LTBP1: variants seen among roughly 807,000 people sequenced by gnomAD.
LTBP1 encodes latent transforming growth factor beta binding protein 1, also known as latent-transforming growth factor beta-binding protein 1.
LTBP1 carries 129 observed loss-of-function variants against 207.6 expected under a neutral mutation model. The ratio of observed to expected loss-of-function variants is 0.62; its 90% CI spans 0.54 to 0.72. The LOEUF is 0.72. Among genes scored for constraint, LTBP1 ranks in the 30% least tolerant of loss-of-function variants. LTBP1 has a pLI of 0.00. For missense variants in LTBP1, 2,281 were observed against 2,217.2 expected (o/e 1.03, Z -0.58); for synonymous variants, 963 against 833.7 (o/e 1.16, Z -2.67).
chr2:33,294,452 C>T (rs1001049614), intron 20 of LTBP1, among the ~76,000 whole-genome samples: 1 of 152,032 alleles, frequency 6.6e-6, no homozygotes, highest in Non-Finnish European at 1.5e-5. Context: ...CCACCTAGGC[C>T]TCCCAAATTG....
intron 21 of LTBP1, among the ~76,000 whole-genome samples, chr2:33,301,176 CA>C (rs1435003289): frequency 1.3e-5 from 2 of 152,170 alleles, no homozygotes; most frequent in Non-Finnish European, 2.9e-5. Flanking sequence ...CTTCACTTCC[CA>C]ATAAGTATGT....
chr2:33,198,767 C>T (rs771547880), intron 7 of LTBP1, among the ~76,000 whole-genome samples: 2,113 of 152,052 alleles, frequency 0.014, 26 homozygotes, highest in South Asian at 0.028. Context: ...TTTTTTATTG[C>T]GTCTATTTGA....
At chr2:33,095,845 A>G (rs1351280166) in intron 3 of LTBP1, among the ~76,000 whole-genome samples, 1 of 152,146 alleles carries the variant, frequency 6.6e-6, no homozygotes, top group Non-Finnish European at 1.5e-5. Flanking sequence ...AAAGAGAAAA[A>G]TTATTAAAGA....
At chr2:33,341,729 A>AAAAAAATATATATAT (rs745445793) in intron 24 of LTBP1, among the ~76,000 whole-genome samples, 29 of 93,608 alleles carry the variant, frequency 3.1e-4, no homozygotes, top group South Asian at 7.8e-4. Flanking sequence ...AAAAAAAAAA[A>AAAAAAATATATATAT]ATATATATAT....
intron 30 of LTBP1, among the ~76,000 whole-genome samples, chr2:33,364,831 A>G (rs985854914): frequency 6.6e-6 from 1 of 152,250 alleles, no homozygotes; most frequent in African/African-American, 2.4e-5. Context: ...GATAATTGGC[A>G]TAATCTGTCA....
chr2:33,034,180 A>T (rs1389121758), intron 3 of LTBP1, among the ~76,000 whole-genome samples: 1 of 152,028 alleles, frequency 6.6e-6, no homozygotes, highest in East Asian at 1.9e-4. Context: ...TGGATACGCA[A>T]ATCTACAGAG....
chr2:33,217,513 A>C lies in LTBP1; in HGVS notation c.1702-39A>C, dbSNP rs776156492. 6.4e-6 allele frequency: 9 copies of C among 1,417,248 alleles called. No homozygotes were observed. The South Asian group carries it at 9.3e-5, about 15-fold the overall frequency. 87.8% of individuals were successfully genotyped at this position (1,417,248 alleles called of 1,614,324 possible). A position where few individuals can be genotyped will look rare whatever the true frequency, so the allele number is the denominator to read the frequency against. On this transcript the variant is annotated intron_variant, in intron 7 of 33. Transcript: ENST00000404816. ...AGTGCTCTGGGGCTGGGCATCCTGC[A>C]CTCAATTAACCTTCATATTTCACAC...
chr2:33,236,056 A>T (rs1048349779), intron 9 of LTBP1, among the ~76,000 whole-genome samples: 1 of 152,220 alleles, frequency 6.6e-6, no homozygotes, highest in African/African-American at 2.4e-5. Flanking sequence ...TATAATTTTT[A>T]AAAAAGATGA....
At chr2:33,397,106 A>G (rs2095365584) in intron 32 of LTBP1, 27 bp from the exon 33 acceptor site, 1 of 1,607,132 alleles carries the variant, frequency 6.2e-7, no homozygotes, top group South Asian at 1.1e-5. Flanking sequence ...AGAAGCTCTA[A>G]CTTAGCTTCT....
intron 12 of LTBP1, among the ~76,000 whole-genome samples, chr2:33,259,028 G>A (rs912844336): frequency 2.0e-5 from 3 of 152,076 alleles, no homozygotes; most frequent in Non-Finnish European, 4.4e-5. Flanking sequence ...GCTCTTCCTG[G>A]CTTGTGAGAT....
At chr2:33,385,738 G>T (rs570721424) in intron 31 of LTBP1, among the ~76,000 whole-genome samples, 2 of 152,314 alleles carry the variant, frequency 1.3e-5, no homozygotes, top group Admixed American at 1.3e-4. Context: ...TGCATGATGG[G>T]AAGGGCGGCG....
chr2:33,222,275 C>T (rs1326782606), intron 9 of LTBP1, 124 bp downstream of exon 9: 1 of 685,942 alleles, frequency 1.5e-6, no homozygotes, highest in Admixed American at 2.1e-5. Flanking sequence ...CATGTTCACT[C>T]CTTTTGGCTA....
chr2:33,293,525 T>C (rs2093815636), intron 20 of LTBP1, among the ~76,000 whole-genome samples: 1 of 152,160 alleles, frequency 6.6e-6, no homozygotes, highest in African/African-American at 2.4e-5. Context: ...GATCGGTTCA[T>C]CTAAATTTTT....
chr2:33,104,308 G>A (rs2079927884), intron 3 of LTBP1, among the ~76,000 whole-genome samples: 1 of 152,156 alleles, frequency 6.6e-6, no homozygotes, highest in Non-Finnish European at 1.5e-5. Context: ...TAGATGGCCA[G>A]CCACACCCCA....
In LTBP1 at chr2:32,972,654, G is replaced by T. The variant is rs1327660884; in HGVS notation, c.565+23709G>T. ...CCCCACATGTAGAGGGAGGGACCTG[G>T]TGGGAGGTGACTGGATCATGGGGAT... is the stretch of plus-strand genomic sequence containing the variant. On this transcript the variant is annotated intron_variant, in intron 2 of 33. Coordinates refer to ENST00000404816, the MANE Select transcript of LTBP1 (RefSeq NM_206943.4). Among the ~76,000 whole-genome samples, 3 of 152,282 alleles carry T rather than the reference G, an allele frequency of 2.0e-5. No homozygotes were observed. In the East Asian group the frequency reaches 5.8e-4, roughly 29 times the overall value.
At chr2:33,253,987 T>G (rs1245278186) in intron 11 of LTBP1, among the ~76,000 whole-genome samples, 1 of 150,676 alleles carries the variant, frequency 6.6e-6, no homozygotes, top group Non-Finnish European at 1.5e-5. Context: ...CCTCCCAGGT[T>G]CACACCATTC....
chr2:32,959,617 A>ATTTT (rs1373102884), intron 2 of LTBP1, among the ~76,000 whole-genome samples: 25 of 38,540 alleles, frequency 6.5e-4, no homozygotes, highest in African/African-American at 1.9e-3. Context: ...ATATATATAT[A>ATTTT]TATATTTTTT....
In LTBP1 at chr2:33,217,584, A is replaced by G. The variant is rs768365901; in HGVS notation, c.1734A>G (p.Gln578=). 2.0e-5 allele frequency: 32 copies of G among 1,613,890 alleles called. No individual in the cohort carries two copies. The highest frequency in any genetic ancestry group is 3.3e-5 in the Admixed American group (2 of 60,006). ...AAGCGCTCCCTGGCCTTTCAAAGCA[A>G]GAGGACTGCTGTGGAACTGTGGGTA... ...CGKALPGLSK[Q]EDCCGTVGTS... The change falls in exon 8 of 34, where the codon CAA becomes CAG. Residue 578 remains glutamine (Q), a synonymous_variant. Coordinates refer to ENST00000404816, the MANE Select transcript of LTBP1 (RefSeq NM_206943.4).
chr2:33,373,204 A>G (rs2095091996), intron 31 of LTBP1, among the ~76,000 whole-genome samples: 1 of 152,216 alleles, frequency 6.6e-6, no homozygotes, highest in Admixed American at 6.5e-5. Flanking sequence ...TCAGGTGTAG[A>G]AAGATGGTTT....
Sources: gnomAD v4.1 joint callset for allele counts (sites outside exome capture counted in the v4.1 genomes callset) on GRCh38, gnomAD v4.1.1 for gene constraint, MANE v1.5 for transcripts, NCBI Gene and HGNC (gene_info 2026-07-23, HGNC 2026-07-21) for gene names.